ZDHHC11: variants seen among roughly 807,000 people sequenced by gnomAD.
ZDHHC11 encodes the protein zDHHC palmitoyltransferase 11, also known as palmitoyltransferase ZDHHC11.
In ZDHHC11, 44 loss-of-function variants were observed where a neutral mutation model predicts 51.3. The ratio of observed to expected loss-of-function variants is 0.86; its 90% CI spans 0.67 to 1.10. The LOEUF is 1.10. Among genes scored for constraint, ZDHHC11 ranks in the 50% least tolerant of loss-of-function variants. The pLI, the probability that ZDHHC11 is intolerant of heterozygous loss-of-function variation, is 0.00. For synonymous variants in ZDHHC11, 163 were observed against 222.0 expected, an observed-to-expected ratio of 0.73 and a Z score of 2.36; for missense variants, 400 against 537.7, an observed-to-expected ratio of 0.74 and a Z score of 2.53.
chr5:815,508 T>C (rs1222851164), intron 10 of ZDHHC11, among the ~76,000 whole-genome samples: 1 of 151,622 alleles, frequency 6.6e-6, no homozygotes, highest in Non-Finnish European at 1.5e-5. Flanking sequence ...CCATGAGCAA[T>C]ACATGAGACT....
intron 12 of ZDHHC11, 81 bp downstream of exon 12, chr5:801,019 T>C: frequency 6.4e-7 from 1 of 1,558,254 alleles, no homozygotes; most frequent in Non-Finnish European, 8.8e-7. Context: ...GCACTGGTGA[T>C]TTTTTAAAGA....
chr5:856,166 A>G (rs1181802442), intron 1 of ZDHHC11, among the ~76,000 whole-genome samples: 2 of 151,854 alleles, frequency 1.3e-5, no homozygotes, highest in East Asian at 3.9e-4. Context: ...CACACACCAT[A>G]TACCACACAG....
chr5:857,569 T>A lies in ZDHHC11; in HGVS notation c.-1+1305A>T, dbSNP rs77061362. On this transcript the variant is annotated intron_variant, in intron 1 of 3. Transcript: ENST00000685990. ...CTGGTCCCCGTCCTATCTTTATGAC[T>A]CCGTGGTCCCCCGAGTCTGTCCTGG... Among the ~76,000 whole-genome samples, 131 of 91,946 alleles carry A rather than the reference T, an allele frequency of 1.4e-3. No individual in the cohort carries two copies. The Middle Eastern group carries it at 0.026, about 18-fold the overall frequency. The allele number at this position is 91,946 out of a possible 152,430, so 60.3% of individuals were successfully genotyped here.
intron 8 of ZDHHC11, chr5:823,724 C>G (rs1741874487): frequency 4.8e-6 from 1 of 209,164 alleles, no homozygotes; most frequent in Middle Eastern, 5.0e-4. Context: ...AGCGGATCTT[C>G]TCTGCTTCAG....
Position 850,631 on chromosome 5 carries a change from G to A in ZDHHC11, c.-29C>T, listed in dbSNP as rs111620039. The A allele has an allele frequency of 1.6e-3, 2,607 of 1,607,216 alleles. 26 individuals carry two copies. The African/African-American group carries it at 0.026, about 16-fold the overall frequency. ...CAGGACACAGAAGGGGAGGACCTGC[G>A]CCGTCAGATCCTGGGAGGGCCGGCC... On this transcript the variant is annotated 5_prime_UTR_variant, in exon 1 of 13. Coordinates refer to ENST00000283441, the MANE Select transcript of ZDHHC11 (RefSeq NM_024786.3).
At chr5:824,732 CT>C (rs1742064665) in intron 8 of ZDHHC11, among the ~76,000 whole-genome samples, 1 of 150,724 alleles carries the variant, frequency 6.6e-6, no homozygotes, top group African/African-American at 2.4e-5. Context: ...CTATTCCCAT[CT>C]GTCTCCTACA....
intron 7 of ZDHHC11, among the ~76,000 whole-genome samples, chr5:831,481 C>A (rs1743072616): frequency 6.7e-6 from 1 of 148,836 alleles, no homozygotes. Context: ...TACTTGGGAG[C>A]CTGATGCAGG....
chr5:852,459 C>T (rs1747369684), upstream of ZDHHC11, among the ~76,000 whole-genome samples: 1 of 152,242 alleles, frequency 6.6e-6, no homozygotes, highest in Non-Finnish European at 1.5e-5. Context: ...AGTAATACAT[C>T]CAAATTAGAG....
upstream of ZDHHC11, among the ~76,000 whole-genome samples, chr5:851,189 C>T (rs897926730): frequency 1.3e-5 from 2 of 152,348 alleles, no homozygotes; most frequent in Admixed American, 6.5e-5. Flanking sequence ...GAGCAGGACC[C>T]GAGAGCTCAC....
intron 11 of ZDHHC11, among the ~76,000 whole-genome samples, chr5:807,016 G>A (rs1173104359): frequency 6.6e-6 from 1 of 151,098 alleles, no homozygotes; most frequent in African/African-American, 2.4e-5. Flanking sequence ...CTGTACAACA[G>A]GAGATCTGTC....
chr5:848,901 A>T (rs1488733388), intron 1 of ZDHHC11, among the ~76,000 whole-genome samples: 51 of 145,356 alleles, frequency 3.5e-4, no homozygotes, highest in Admixed American at 3.2e-3. Context: ...CTGGGCCTGC[A>T]CACCCAGCCC....
chr5:816,833 C>T (rs1657620117), intron 10 of ZDHHC11: 2 of 476,992 alleles, frequency 4.2e-6, no homozygotes, highest in Non-Finnish European at 8.2e-6. Flanking sequence ...GGCAGATACA[C>T]CCTGAAGCTG....
Position 796,077 on chromosome 5 carries a change from AATACTGTGCTCCCATTTT to A in ZDHHC11, c.*493_*510del, listed in dbSNP as rs1737534177. 1 of 155,998 alleles carries A rather than the reference AATACTGTGCTCCCATTTT, an allele frequency of 6.4e-6. No homozygotes were observed. Among genetic ancestry groups the A allele is most frequent in the South Asian group, 2.1e-4 (1 of 4,846 alleles). The allele number at this position is 155,998 out of a possible 1,614,324, so 9.7% of individuals were successfully genotyped here. On this transcript the variant is annotated 3_prime_UTR_variant, in exon 13 of 13. Transcript: ENST00000283441. ...TCCCAGTACTGTGCTCCCATTTCCC[AATACTGTGCTCCCATTTT>A]GCAGTGCTGTGAGCCCCCATTTCCC...
At chr5:859,025 G>T (rs142281585), upstream of ZDHHC11, among the ~76,000 whole-genome samples, 2 of 152,068 alleles carry the variant, frequency 1.3e-5, no homozygotes, top group East Asian at 3.9e-4. Context: ...AACCCAGGGC[G>T]CCTCACAAAG....
At chr5:813,202 C>G (rs1481188219) in intron 11 of ZDHHC11, among the ~76,000 whole-genome samples, 1 of 141,772 alleles carries the variant, frequency 7.1e-6, no homozygotes, top group Admixed American at 7.3e-5. Flanking sequence ...GTGGCATGAG[C>G]CTGTGGTCCC....
chr5:810,080 A>T (rs1214415776), intron 11 of ZDHHC11, among the ~76,000 whole-genome samples: 2 of 31,172 alleles, frequency 6.4e-5, no homozygotes, highest in Non-Finnish European at 1.4e-4. Flanking sequence ...AAAGTTCCAG[A>T]CAAGCACCAT....
intron 2 of ZDHHC11, 130 bp from the exon 3 acceptor site, chr5:847,745 A>G: frequency 1.7e-6 from 1 of 595,966 alleles, no homozygotes; most frequent in Non-Finnish European, 3.0e-6. Flanking sequence ...GAGGGCGTCC[A>G]GCAGGGAATG....
At chr5:810,744 G>C (rs1235097978) in intron 11 of ZDHHC11, among the ~76,000 whole-genome samples, 9 of 151,454 alleles carry the variant, frequency 5.9e-5, no homozygotes, top group Admixed American at 1.3e-4. Flanking sequence ...GTTGCATCTA[G>C]AGGCTTTGTA....
At chr5:836,226 T>C (rs1173429290) in intron 6 of ZDHHC11, among the ~76,000 whole-genome samples, 1 of 150,360 alleles carries the variant, frequency 6.7e-6, no homozygotes. Context: ...AAATCATGAA[T>C]GGGAACTTGC....
Sources: gnomAD v4.1 joint callset for allele counts (sites outside exome capture counted in the v4.1 genomes callset) on GRCh38, gnomAD v4.1.1 for gene constraint, MANE v1.5 for transcripts, NCBI Gene and HGNC (gene_info 2026-07-23, HGNC 2026-07-21) for gene names.